ZFHX4: variants seen among roughly 807,000 people sequenced by gnomAD.
ZFHX4 encodes zinc finger homeobox protein 4.
ZFHX4 carries 56 observed loss-of-function variants against 267.6 expected under a neutral mutation model. That is an observed-to-expected ratio of 0.21 (90% CI 0.17 to 0.26). The LOEUF is 0.26. ZFHX4 is among the 10% of genes least tolerant of loss of function. ZFHX4 has a pLI of 1.00. For synonymous variants in ZFHX4, 1,778 were observed against 1,665.6 expected, an observed-to-expected ratio of 1.07 and a Z score of -1.64; for missense variants, 4,332 against 4,420.0, an observed-to-expected ratio of 0.98 and a Z score of 0.56.
At chr8:76,760,871 G>A (rs1444263115) in intron 3 of ZFHX4, among the ~76,000 whole-genome samples, 2 of 149,788 alleles carry the variant, frequency 1.3e-5, no homozygotes. Flanking sequence ...TGAGGCTGCA[G>A]TGAGCAGTGA....
At chr8:76,697,527 A>G (rs1167136168) in intron 1 of ZFHX4, among the ~76,000 whole-genome samples, 2 of 152,050 alleles carry the variant, frequency 1.3e-5, no homozygotes, top group African/African-American at 4.8e-5. Context: ...CATGGTAACT[A>G]TGATTTATAA....
chr8:76,779,621 G>A (rs919497518), intron 4 of ZFHX4, among the ~76,000 whole-genome samples: 1 of 152,090 alleles, frequency 6.6e-6, no homozygotes, highest in Admixed American at 6.5e-5. Context: ...AATGAAAATG[G>A]CACTCTAATT....
At chr8:76,796,876 A>C (rs956544862) in intron 4 of ZFHX4, among the ~76,000 whole-genome samples, 3 of 152,184 alleles carry the variant, frequency 2.0e-5, no homozygotes, top group African/African-American at 4.8e-5. Context: ...CAACCTACCC[A>C]TCTTTTTCAT....
intron 3 of ZFHX4, among the ~76,000 whole-genome samples, chr8:76,771,349 A>G (rs986136881): frequency 7.9e-5 from 12 of 152,200 alleles, no homozygotes; most frequent in African/African-American, 2.9e-4. Flanking sequence ...TCCAGCACCT[A>G]GAACAGTGCA....
In ZFHX4 at chr8:76,704,963, C is replaced by T. The variant is rs1808209801; in HGVS notation, c.875C>T (p.Ser292Leu). ...AAGTTGTCTTTTGGTTATATCAGGT[C>T]ATTTGTAACCCATGCTGTGCATGAT... ...LCKLSFGYIR[S>L]FVTHAVHDHR... is the part of the protein sequence containing the mutation. The change falls in exon 2 of 11, where the codon TCA becomes TTA. Residue 292 changes from serine (S) to leucine (L), a missense_variant. Around this residue, in one of 7 missense-constraint regions of ZFHX4, gnomAD observed 1,195 missense variants for 1,173.6 expected, o/e 1.02. Transcript: ENST00000651372. The T allele has an allele frequency of 6.2e-7, 1 of 1,613,826 alleles. No individual in the cohort carries two copies. Among genetic ancestry groups the T allele is most frequent in the African/African-American group, 1.3e-5 (1 of 74,926 alleles).
chr8:76,687,831 C>G (rs189517320), intron 1 of ZFHX4, among the ~76,000 whole-genome samples: 1 of 152,048 alleles, frequency 6.6e-6, no homozygotes, highest in South Asian at 2.1e-4. Flanking sequence ...GTGAAAGCAT[C>G]GGAAAAGGAT....
rs964964097 is a variant in ZFHX4, at chr8:76,864,765, T to C, written c.*200T>C. 2.6e-5 allele frequency: 11 copies of C among 428,118 alleles called. No individual in the cohort carries two copies. The highest frequency in any genetic ancestry group is 6.4e-4 in the Middle Eastern group (1 of 1,564). 26.5% of individuals were successfully genotyped at this position (428,118 alleles called of 1,614,324 possible). On this transcript the variant is annotated 3_prime_UTR_variant, in exon 11 of 11. Transcript: ENST00000651372. The stretch of plus-strand genomic sequence containing the variant: ...GACAGAACTGATGCAGATGGTTGAA[T>C]GCGCTTGTACTATATGCTAAAATAT...
chr8:76,709,332 C>T lies in ZFHX4; in HGVS notation c.3093+1284C>T, dbSNP rs191190131. On this transcript the variant is annotated intron_variant, in intron 3 of 10. Transcript: ENST00000651372. The stretch of plus-strand genomic sequence containing the variant: ...TAATGAAAGCATTAGATTTGGGTTA[C>T]GTTACAGAGTTTGAAGGGAGTGCAG... 2.7e-3 allele frequency among the ~76,000 whole-genome samples: 406 copies of T among 152,176 alleles called. 1 individual carries two copies. The highest frequency in any genetic ancestry group is 9.0e-3 in the African/African-American group (375 of 41,516).
At chr8:76,857,572 C>T (rs1464724973) in intron 10 of ZFHX4, among the ~76,000 whole-genome samples, 1 of 152,016 alleles carries the variant, frequency 6.6e-6, no homozygotes, top group African/African-American at 2.4e-5. Flanking sequence ...CCCTCAGCCA[C>T]CGCTAGCTTA....
At chr8:76,789,336 C>G (rs1413935835) in intron 4 of ZFHX4, among the ~76,000 whole-genome samples, 1 of 152,094 alleles carries the variant, frequency 6.6e-6, no homozygotes, top group African/African-American at 2.4e-5. Context: ...AATGGGGAAT[C>G]ATAGAGCAAA....
intron 10 of ZFHX4, among the ~76,000 whole-genome samples, chr8:76,860,883 C>T (rs564122900): frequency 2.6e-5 from 4 of 152,226 alleles, no homozygotes; most frequent in South Asian, 2.1e-4. Context: ...TTATTCATTT[C>T]TTCAGTTCTT....
intron 4 of ZFHX4, among the ~76,000 whole-genome samples, chr8:76,792,059 C>T (rs1810852723): frequency 6.6e-6 from 1 of 151,890 alleles, no homozygotes; most frequent in Non-Finnish European, 1.5e-5. Flanking sequence ...CTTATATATT[C>T]GTTTACTCTG....
intron 3 of ZFHX4, among the ~76,000 whole-genome samples, chr8:76,711,236 T>G (rs1808415988): frequency 6.6e-6 from 1 of 152,202 alleles, no homozygotes; most frequent in Non-Finnish European, 1.5e-5. Context: ...TTGTTACTGT[T>G]AAGAAAATCT....
At chr8:76,773,161 G>T (rs1810312923) in intron 3 of ZFHX4, among the ~76,000 whole-genome samples, 1 of 152,106 alleles carries the variant, frequency 6.6e-6, no homozygotes, top group Non-Finnish European at 1.5e-5. Flanking sequence ...AAAAGCAGTG[G>T]ATCCTGCTAC....
At position 76,793,068 on chromosome 8, in the gene ZFHX4, C is replaced by T. The variant is rs79308227; in HGVS notation, c.3325+14629C>T. Among the ~76,000 whole-genome samples the T allele has an allele frequency of 0.013, 2,013 of 152,210 alleles. 125 individuals carry two copies. In the East Asian group the frequency reaches 0.14, roughly 11 times the overall value. ...TCTACTAAGGAAGTTAGTGTCTGAC[C>T]TAATAACTTGTCCAGACTCGCAGGA... On this transcript the variant is annotated intron_variant, in intron 4 of 10. Coordinates refer to ENST00000651372, the MANE Select transcript of ZFHX4 (RefSeq NM_024721.5).
intron 4 of ZFHX4, among the ~76,000 whole-genome samples, chr8:76,779,107 C>T (rs897508724): frequency 6.6e-6 from 1 of 151,994 alleles, no homozygotes; most frequent in Admixed American, 6.6e-5. Context: ...AAACCACATG[C>T]GAAACTTTAT....
At chr8:76,756,156 G>T (rs1177184739) in intron 3 of ZFHX4, among the ~76,000 whole-genome samples, 3 of 152,312 alleles carry the variant, frequency 2.0e-5, no homozygotes, top group African/African-American at 7.2e-5. Context: ...AGGCCATCAT[G>T]TAGGGACGTC....
Position 76,851,266 on chromosome 8 carries a change from C to A in ZFHX4, c.4345C>A (p.Pro1449Thr). The change falls in exon 10 of 11, where the codon CCT becomes ACT. Residue 1449 changes from proline (P) to threonine (T), a missense_variant. Around this residue, in one of 7 missense-constraint regions of ZFHX4, gnomAD observed 1,371 missense variants for 1,423.1 expected, o/e 0.96. Transcript: ENST00000651372. ...AAAAAAACACTTGGAAGCAGGCCAC[C>A]CTGAACTGAGTGAAGCTGAACTTCA... ...ALKKHLEAGH[P>T]ELSEAELQQL... 1 of 1,613,782 alleles carries A rather than the reference C, an allele frequency of 6.2e-7. No individual in the cohort carries two copies.
chr8:76,775,244 G>GT (rs1169295060), intron 3 of ZFHX4, among the ~76,000 whole-genome samples: 1 of 152,134 alleles, frequency 6.6e-6, no homozygotes, highest in East Asian at 1.9e-4. Flanking sequence ...AATGAGAAAT[G>GT]TTTTTTAAGA....
Sources: allele counts gnomAD v4.1 joint callset (sites outside exome capture counted in the v4.1 genomes callset), GRCh38; gene constraint gnomAD v4.1.1; regional missense constraint gnomAD v4.1.1; transcripts MANE v1.5; gene names NCBI Gene and HGNC (gene_info 2026-07-23, HGNC 2026-07-21).